Variants in DLGAP2 observed in about 807,000 individuals in gnomAD.
The protein encoded by DLGAP2 is disks large-associated protein 2.
A neutral mutation model predicts 100.3 loss-of-function variants in DLGAP2; 26 were observed. The observed-to-expected ratio is 0.26, with a 90% CI of 0.19 to 0.36. The LOEUF is 0.36. Ranked by LOEUF, DLGAP2 falls within the 10% of genes least tolerant of loss-of-function variation. The pLI is 1.00. For synonymous variants in DLGAP2, 886 were observed against 630.1 expected (o/e 1.41, Z -6.08); for missense variants, 1,858 against 1,453.2 (o/e 1.28, Z -4.53).
chr8:1,092,687 TTGGTTCTGCAGAATCC>T (rs1804225263), intron 2 of DLGAP2, among the ~76,000 whole-genome samples: 1 of 152,106 alleles, frequency 6.6e-6, no homozygotes, highest in Non-Finnish European at 1.5e-5. Flanking sequence ...GGTTTCAGGG[TTGGTTCTGCAGAATCC>T]TGAAGCCAGA....
chr8:969,486 C>T (rs771742219), intron 2 of DLGAP2, among the ~76,000 whole-genome samples: 1 of 151,568 alleles, frequency 6.6e-6, no homozygotes, highest in South Asian at 2.1e-4. Context: ...TGGAGCAGCT[C>T]GTACTGGCTT....
intron 2 of DLGAP2, among the ~76,000 whole-genome samples, chr8:1,257,816 C>T (rs149575602): frequency 2.3e-3 from 345 of 152,350 alleles, no homozygotes; most frequent in African/African-American, 7.9e-3. Context: ...TGATATCTGA[C>T]GCACATGCTC....
intron 2 of DLGAP2, among the ~76,000 whole-genome samples, chr8:942,341 C>G (rs1488657524): frequency 6.6e-6 from 1 of 152,238 alleles, no homozygotes. Context: ...GCAACACACA[C>G]TTGTAGTGTT....
chr8:1,626,383 G>T (rs1320117526), intron 6 of DLGAP2, among the ~76,000 whole-genome samples: 4 of 118,316 alleles, frequency 3.4e-5, no homozygotes, highest in South Asian at 3.3e-4. Context: ...TCTGGGTGTG[G>T]GTTGGACGGC....
intron 8 of DLGAP2, among the ~76,000 whole-genome samples, chr8:1,652,178 C>A (rs1321738184): frequency 6.6e-6 from 1 of 152,170 alleles, no homozygotes; most frequent in Non-Finnish European, 1.5e-5. Flanking sequence ...TTGGTGTAGG[C>A]AGCAAAGGAG....
intron 12 of DLGAP2, among the ~76,000 whole-genome samples, chr8:1,683,116 G>C (rs768653817): frequency 1.3e-5 from 2 of 151,584 alleles, no homozygotes; most frequent in Admixed American, 6.6e-5. Flanking sequence ...AGTGGGAGAA[G>C]ACCAGGTACA....
intron 8 of DLGAP2, among the ~76,000 whole-genome samples, chr8:1,659,153 G>C (rs1017740657): frequency 1.9e-4 from 29 of 152,192 alleles, no homozygotes; most frequent in African/African-American, 5.8e-4. Context: ...GTGCGGTTTT[G>C]AGTGAGTTTC....
intron 3 of DLGAP2, among the ~76,000 whole-genome samples, chr8:1,310,625 C>G (rs1045072692): frequency 1.3e-5 from 2 of 152,140 alleles, no homozygotes; most frequent in African/African-American, 2.4e-5. Flanking sequence ...TTGTAAAAGA[C>G]TAAAATCATA....
intron 2 of DLGAP2, among the ~76,000 whole-genome samples, chr8:1,077,352 G>A (rs944659698): frequency 2.6e-5 from 4 of 152,170 alleles, no homozygotes; most frequent in African/African-American, 9.7e-5. Flanking sequence ...ACCCACACCT[G>A]TTAGTAAACA....
intron 2 of DLGAP2, among the ~76,000 whole-genome samples, chr8:1,149,236 T>C (rs904782988): frequency 2.8e-4 from 42 of 152,190 alleles, no homozygotes; most frequent in African/African-American, 9.4e-4. Flanking sequence ...AGCTCCGCCT[T>C]CTGGGTTCAC....
intron 3 of DLGAP2, among the ~76,000 whole-genome samples, chr8:1,434,669 T>C (rs1027631742): frequency 2.6e-5 from 4 of 152,082 alleles, no homozygotes; most frequent in African/African-American, 9.7e-5. Flanking sequence ...AGAGATGGGG[T>C]GTCACTATGT....
intron 2 of DLGAP2, among the ~76,000 whole-genome samples, chr8:953,826 CT>C (rs1799537511): frequency 6.6e-6 from 1 of 152,200 alleles, no homozygotes; most frequent in Non-Finnish European, 1.5e-5. Context: ...CTTTATGGGA[CT>C]TTCCATTTGG....
Position 1,708,007 on chromosome 8 carries a change from T to G in DLGAP2, c.*6601T>G, listed in dbSNP as rs990926993. On this transcript the variant is annotated 3_prime_UTR_variant, in exon 15 of 15. Coordinates refer to ENST00000637795, the MANE Select transcript of DLGAP2 (RefSeq NM_001346810.2). ...CACCACGACAATTTCTTACTTCCTC[T>G]TAATAACTTACCAGAATGTTGGTCA... The G allele has an allele frequency of 8.5e-5, 13 of 152,782 alleles. No individual in the cohort carries two copies. Among genetic ancestry groups the G allele is most frequent in the African/African-American group, 3.1e-4 (13 of 41,592 alleles). The allele number at this position is 152,782 out of a possible 1,614,324, so 9.5% of individuals were successfully genotyped here. A position where few individuals can be genotyped will look rare whatever the true frequency, so the allele number is the denominator to read the frequency against.
At chr8:1,493,361 T>C (rs1194358423) in intron 3 of DLGAP2, among the ~76,000 whole-genome samples, 1 of 152,170 alleles carries the variant, frequency 6.6e-6, no homozygotes, top group Non-Finnish European at 1.5e-5. Context: ...TGTAGACATC[T>C]GCCTCCATCT....
At chr8:827,593 C>T (rs909165194) in intron 1 of DLGAP2, among the ~76,000 whole-genome samples, 2 of 152,026 alleles carry the variant, frequency 1.3e-5, no homozygotes, top group Non-Finnish European at 2.9e-5. Context: ...CTTAGACAAG[C>T]ATAAGAACGA....
At chr8:982,070 C>T (rs1158448352) in intron 2 of DLGAP2, among the ~76,000 whole-genome samples, 2 of 152,220 alleles carry the variant, frequency 1.3e-5, no homozygotes, top group Non-Finnish European at 2.9e-5. Flanking sequence ...CTCCTCTGCA[C>T]AGCATGGGAC....
chr8:1,428,769 C>T (rs184092894), intron 3 of DLGAP2, among the ~76,000 whole-genome samples: 1 of 152,296 alleles, frequency 6.6e-6, no homozygotes, highest in Non-Finnish European at 1.5e-5. Context: ...AGGAAGAGGC[C>T]ATGTGGCTCA....
At chr8:1,278,382 G>A (rs562755240) in intron 3 of DLGAP2, among the ~76,000 whole-genome samples, 5 of 152,286 alleles carry the variant, frequency 3.3e-5, no homozygotes, top group African/African-American at 7.2e-5. Flanking sequence ...CGGCGCAGTC[G>A]TGAGCCTGGT....
At chr8:1,571,284 G>C (rs574570411) in intron 6 of DLGAP2, among the ~76,000 whole-genome samples, 10 of 142,652 alleles carry the variant, frequency 7.0e-5, no homozygotes, top group Non-Finnish European at 1.5e-4. Context: ...TTCTGGGATG[G>C]AGAGGAGAGA....
Sources: allele counts gnomAD v4.1 joint callset (sites outside exome capture counted in the v4.1 genomes callset), GRCh38; gene constraint gnomAD v4.1.1; transcripts MANE v1.5; gene names NCBI Gene and HGNC (gene_info 2026-07-23, HGNC 2026-07-21).